The following PRKN variants were observed in gnomAD, a reference collection of about 807,000 sequenced individuals.
PRKN encodes the protein parkin RBR E3 ubiquitin protein ligase.
A neutral mutation model predicts 59.5 loss-of-function variants in PRKN; 56 were observed. That is an observed-to-expected ratio of 0.94 (90% CI 0.76 to 1.18). PRKN has a LOEUF of 1.18. PRKN is among the 50% of genes most tolerant of loss of function. PRKN has a pLI of 0.00. For synonymous variants in PRKN, 250 were observed against 222.1 expected, an observed-to-expected ratio of 1.13 and a Z score of -1.12; for missense variants, 657 against 596.4, an observed-to-expected ratio of 1.10 and a Z score of -1.06.
chr6:162,460,125 C>T (rs922209021), intron 1 of PRKN, among the ~76,000 whole-genome samples: 9 of 152,210 alleles, frequency 5.9e-5, no homozygotes, highest in African/African-American at 1.9e-4. Context: ...AAATGCTCAT[C>T]AATTAACCAA....
intron 4 of PRKN, among the ~76,000 whole-genome samples, chr6:162,058,957 GAAAAAAAAA>G (rs553927046): frequency 1.1e-5 from 1 of 87,292 alleles, no homozygotes; most frequent in Non-Finnish European, 2.5e-5. Flanking sequence ...GCCTCAACAA[GAAAAAAAAA>G]AAAAAAAAAA....
intron 3 of PRKN, among the ~76,000 whole-genome samples, chr6:162,251,268 T>C (rs1039022539): frequency 2.6e-5 from 4 of 151,344 alleles, no homozygotes; most frequent in African/African-American, 9.7e-5. Flanking sequence ...GAGGGGAGAG[T>C]GGGAGGATCA....
chr6:162,468,152 A>T (rs1791529979), intron 1 of PRKN, among the ~76,000 whole-genome samples: 1 of 152,200 alleles, frequency 6.6e-6, no homozygotes, highest in African/African-American at 2.4e-5. Flanking sequence ...GGGACTAATA[A>T]AATACGTGGA....
In PRKN at chr6:161,429,033, A is replaced by T. The variant is rs1562442522; in HGVS notation, c.1084-42156T>A. ...AAAGTTTTGCTCATGTCCAAGAGATAACGTAAGATGTTCCTGAAGCTAAAC... is the reference window on the plus strand; with the variant it reads ...AAAGTTTTGCTCATGTCCAAGAGATTACGTAAGATGTTCCTGAAGCTAAAC... On this transcript the variant is annotated intron_variant, in intron 9 of 11. Transcript: ENST00000366898. The surrounding 1 kb of genome is among the most constrained non-coding windows in gnomAD (Gnocchi z 4.2). 1.3e-5 allele frequency among the ~76,000 whole-genome samples: 2 copies of T among 152,188 alleles called. No individual in the cohort carries two copies. Among genetic ancestry groups the T allele is most frequent in the African/African-American group, 4.8e-5 (2 of 41,450 alleles).
At chr6:161,846,047 C>G (rs1328317862) in intron 6 of PRKN, among the ~76,000 whole-genome samples, 1 of 152,158 alleles carries the variant, frequency 6.6e-6, no homozygotes, top group Non-Finnish European at 1.5e-5. Context: ...AATTTGGTCC[C>G]AACTTCCCTC....
At chr6:161,996,548 T>C (rs1781851636) in intron 5 of PRKN, among the ~76,000 whole-genome samples, 2 of 152,160 alleles carry the variant, frequency 1.3e-5, no homozygotes, top group African/African-American at 2.4e-5. Flanking sequence ...GTCTTTATTT[T>C]CCCCAATTTT....
intron 1 of PRKN, among the ~76,000 whole-genome samples, chr6:162,602,438 G>A (rs565260504): frequency 6.6e-6 from 1 of 152,364 alleles, no homozygotes; most frequent in Admixed American, 6.5e-5. Context: ...AGAACACTGT[G>A]TCTTGCATGT....
rs920394598 is a variant in PRKN at position 161,354,621 on chromosome 6, C to A, written c.1286-4410G>T. On this transcript the variant is annotated intron_variant, in intron 11 of 11. Coordinates refer to ENST00000366898, the MANE Select transcript of PRKN (RefSeq NM_004562.3). The surrounding 1 kb of genome is among the most constrained non-coding windows in gnomAD (Gnocchi z 6.7). ...CTGTGCTTAAAATGGAAATTCCTCG[C>A]ATTCTCATTTCAGCTTCTCTGAGGG... Among the ~76,000 whole-genome samples the A allele has an allele frequency of 1.3e-3, 193 of 152,142 alleles. 3 individuals carry two copies. Among genetic ancestry groups the A allele is most frequent in the Non-Finnish European group, 3.1e-4 (21 of 68,032 alleles).
intron 1 of PRKN, among the ~76,000 whole-genome samples, chr6:162,467,184 T>C (rs1460210313): frequency 6.6e-6 from 1 of 152,170 alleles, no homozygotes; most frequent in East Asian, 1.9e-4. Context: ...CCTTTTTCCC[T>C]TCTTCCTTTT....
chr6:161,424,336 CAAAAAAAAA>C, intron 9 of PRKN, among the ~76,000 whole-genome samples: 1 of 109,192 alleles, frequency 9.2e-6, no homozygotes, highest in African/African-American at 3.6e-5. Flanking sequence ...GATTCTGTCT[CAAAAAAAAA>C]AAAAAAAAAA....
chr6:161,620,472 T>C (rs1475351845), intron 7 of PRKN, among the ~76,000 whole-genome samples: 3 of 152,140 alleles, frequency 2.0e-5, no homozygotes, highest in African/African-American at 7.2e-5. Flanking sequence ...TCTCACTGAA[T>C]TGATTTGTTT....
At chr6:161,615,212 C>G (rs1466833670) in intron 7 of PRKN, among the ~76,000 whole-genome samples, 4 of 152,028 alleles carry the variant, frequency 2.6e-5, no homozygotes, top group Non-Finnish European at 4.4e-5. Context: ...CAGCTAGATG[C>G]CTTTTGTGTT....
chr6:161,488,817 A>G lies in PRKN; in HGVS notation c.1083+60037T>C, dbSNP rs1777436225. Among the ~76,000 whole-genome samples, 1 of 152,166 alleles carries G rather than the reference A, an allele frequency of 6.6e-6. No homozygotes were observed. The highest frequency in any genetic ancestry group is 2.4e-5 in the African/African-American group (1 of 41,436). On this transcript the variant is annotated intron_variant, in intron 9 of 11. Coordinates refer to ENST00000366898, the MANE Select transcript of PRKN (RefSeq NM_004562.3). The surrounding 1 kb of genome is among the most constrained non-coding windows in gnomAD (Gnocchi z 4.5). ...GAATTTTTGACAGTGAATCTTGACT[A>G]CTAAGAGACTAGGGGACCATGAAAG...
rs1225066518 is a variant in PRKN, at chr6:161,480,980, G to A, written c.1083+67874C>T. On this transcript the variant is annotated intron_variant, in intron 9 of 11. Coordinates refer to ENST00000366898, the MANE Select transcript of PRKN (RefSeq NM_004562.3). This position sits in a 1 kb window ranked among gnomAD's most constrained non-coding sequence, Gnocchi z 4.1. ...GAAAAGCGCTTCACAGCCACGAAGAGGGGGTTCCTGAGGGAAGCACGAGAC... is the reference window on the plus strand; with the variant it reads ...GAAAAGCGCTTCACAGCCACGAAGAAGGGGTTCCTGAGGGAAGCACGAGAC... Among the ~76,000 whole-genome samples, 1 of 152,232 alleles carries A rather than the reference G, an allele frequency of 6.6e-6. No homozygotes were observed. The highest frequency in any genetic ancestry group is 1.5e-5 in the Non-Finnish European group (1 of 68,050).
At chr6:161,438,750 A>C (rs1053007172) in intron 9 of PRKN, among the ~76,000 whole-genome samples, 1 of 152,182 alleles carries the variant, frequency 6.6e-6, no homozygotes, top group Non-Finnish European at 1.5e-5. Context: ...TCATTATTAG[A>C]TATTCGGGTG....
chr6:162,653,685 A>T (rs193157071), intron 1 of PRKN, among the ~76,000 whole-genome samples: 1 of 152,268 alleles, frequency 6.6e-6, no homozygotes, highest in Admixed American at 6.5e-5. Context: ...CATAAAAGAC[A>T]AATCGTTATA....
At chr6:162,236,021 G>GAAAC (rs1554288911) in intron 3 of PRKN, among the ~76,000 whole-genome samples, 35 of 148,686 alleles carry the variant, frequency 2.4e-4, no homozygotes, top group African/African-American at 7.0e-4. Context: ...AAGAAAGAAA[G>GAAAC]AAACTCCTCA....
chr6:162,306,793 G>A (rs998350908), intron 2 of PRKN, among the ~76,000 whole-genome samples: 15 of 152,232 alleles, frequency 9.9e-5, no homozygotes, highest in African/African-American at 3.6e-4. Context: ...AAATGCCTAT[G>A]GCCAACGAGG....
chr6:161,630,312 G>A (rs779058955), intron 7 of PRKN, among the ~76,000 whole-genome samples: 3 of 152,030 alleles, frequency 2.0e-5, no homozygotes, highest in East Asian at 1.9e-4. Context: ...GCCAATCAGC[G>A]CAACTCTCTG....
Sources: allele counts gnomAD v4.1 joint callset (sites outside exome capture counted in the v4.1 genomes callset), GRCh38; gene constraint gnomAD v4.1.1; non-coding constraint Gnocchi (gnomAD v3.1); transcripts MANE v1.5; gene names NCBI Gene and HGNC (gene_info 2026-07-23, HGNC 2026-07-21).